Variants in ADAMTS20 observed in about 807,000 individuals in gnomAD.
The protein encoded by ADAMTS20 is ADAM metallopeptidase with thrombospondin type 1 motif 20, also known as A disintegrin and metalloproteinase with thrombospondin motifs 20.
In ADAMTS20, 225 loss-of-function variants were observed where a neutral mutation model predicts 260.1. The observed-to-expected ratio is 0.87, with a 90% CI of 0.78 to 0.97. The LOEUF is 0.97. Among genes scored for constraint, ADAMTS20 ranks in the 50% least tolerant of loss-of-function variants. The probability of loss-of-function intolerance (pLI) is 0.00; values close to 1 mark genes in which losing one functional copy is unlikely to be tolerated. For missense variants in ADAMTS20, 2,400 were observed against 2,337.7 expected (o/e 1.03, Z -0.55); for synonymous variants, 802 against 769.5 (o/e 1.04, Z -0.70).
intron 3 of ADAMTS20, among the ~76,000 whole-genome samples, chr12:43,504,617 A>G (rs1942815879): frequency 6.6e-6 from 1 of 152,204 alleles, no homozygotes; most frequent in African/African-American, 2.4e-5. Context: ...GGAAAAGATA[A>G]ATATTTATGC....
At chr12:43,376,421 C>A in intron 33 of ADAMTS20, 91 bp from the exon 34 acceptor site, 1 of 1,454,224 alleles carries the variant, frequency 6.9e-7, no homozygotes. Context: ...CTCTGAATAT[C>A]TGACACTTTG....
intron 2 of ADAMTS20, 23 bp downstream of exon 2, chr12:43,550,886 C>T (rs759060664): frequency 4.0e-6 from 6 of 1,505,546 alleles, no homozygotes; most frequent in East Asian, 2.3e-5. Flanking sequence ...CAAGAAAATG[C>T]CAAGGGACCC....
intron 3 of ADAMTS20, among the ~76,000 whole-genome samples, chr12:43,527,736 G>A (rs1325135749): frequency 6.6e-6 from 1 of 152,088 alleles, no homozygotes; most frequent in Non-Finnish European, 1.5e-5. Flanking sequence ...ACATCACACT[G>A]AATGGGGAAA....
chr12:43,367,075 C>G (rs185226569), intron 37 of ADAMTS20, among the ~76,000 whole-genome samples: 1 of 151,804 alleles, frequency 6.6e-6, no homozygotes, highest in Non-Finnish European at 1.5e-5. Flanking sequence ...ACAACTTTCA[C>G]GAAGAAAAGC....
chr12:43,427,088 G>T (rs1369683854), intron 27 of ADAMTS20, among the ~76,000 whole-genome samples: 1 of 152,000 alleles, frequency 6.6e-6, no homozygotes, highest in Non-Finnish European at 1.5e-5. Context: ...TGGGAAGATC[G>T]CTTGAGCCCA....
At chr12:43,368,090 A>T (rs1565667355) in intron 37 of ADAMTS20, among the ~76,000 whole-genome samples, 1 of 152,040 alleles carries the variant, frequency 6.6e-6, no homozygotes, top group Non-Finnish European at 1.5e-5. Context: ...TCCTTAGTTG[A>T]CATGATTCAA....
At chr12:43,373,837 GC>G (rs1940161868) in intron 36 of ADAMTS20, among the ~76,000 whole-genome samples, 1 of 150,886 alleles carries the variant, frequency 6.6e-6, no homozygotes, top group Non-Finnish European at 1.5e-5. Context: ...CCGCCACTAC[GC>G]CCGGCTAATT....
chr12:43,420,648 T>G (rs1941208952), intron 28 of ADAMTS20, among the ~76,000 whole-genome samples: 1 of 151,952 alleles, frequency 6.6e-6, no homozygotes, highest in Non-Finnish European at 1.5e-5. Flanking sequence ...TTCTCTTAAA[T>G]GGGAGCTACA....
chr12:43,514,381 G>A (rs1367054811), intron 3 of ADAMTS20, among the ~76,000 whole-genome samples: 3 of 151,720 alleles, frequency 2.0e-5, no homozygotes, highest in African/African-American at 7.3e-5. Context: ...TGGCCAACAT[G>A]GGAAACCCCA....
At chr12:43,424,831 A>T (rs961610286) in intron 28 of ADAMTS20, among the ~76,000 whole-genome samples, 2 of 151,924 alleles carry the variant, frequency 1.3e-5, no homozygotes, top group Admixed American at 6.5e-5. Flanking sequence ...AAATAAATAT[A>T]TAAAAAAACT....
At chr12:43,531,042 T>C (rs1028407556) in intron 3 of ADAMTS20, among the ~76,000 whole-genome samples, 3 of 151,858 alleles carry the variant, frequency 2.0e-5, no homozygotes, top group African/African-American at 7.3e-5. Flanking sequence ...TACAGCAGCA[T>C]TGCCTCTAAC....
chr12:43,528,348 CAAAAAAAAAAAAAA>C (rs58281767), intron 3 of ADAMTS20, among the ~76,000 whole-genome samples: 2 of 29,048 alleles, frequency 6.9e-5, no homozygotes, highest in African/African-American at 1.5e-4. Context: ...CAATCCTAAG[CAAAAAAAAAAAAAA>C]AAAAAAAAAA....
In ADAMTS20 at chr12:43,469,405, A is replaced by G. The variant is rs571326432; in HGVS notation, c.1118-700T>C. 8.5e-5 allele frequency among the ~76,000 whole-genome samples: 13 copies of G among 152,294 alleles called. No individual in the cohort carries two copies. The East Asian group carries it at 2.5e-3, about 29-fold the overall frequency. ...GAAGGTATGAACTGGCTGGACACCA[A>G]AGACAGCAATAATTATCATATATGC... On this transcript the variant is annotated intron_variant, in intron 7 of 38. Coordinates refer to ENST00000389420, the MANE Select transcript of ADAMTS20 (RefSeq NM_025003.5).
intron 3 of ADAMTS20, among the ~76,000 whole-genome samples, chr12:43,511,789 C>T (rs963256867): frequency 1.3e-5 from 2 of 152,078 alleles, no homozygotes; most frequent in African/African-American, 2.4e-5. Context: ...ACACATTTTA[C>T]ACTTCTTCAC....
At chr12:43,469,744 C>T (rs372851273) in intron 7 of ADAMTS20, among the ~76,000 whole-genome samples, 1 of 152,170 alleles carries the variant, frequency 6.6e-6, no homozygotes, top group Non-Finnish European at 1.5e-5. Flanking sequence ...GCTATGTCAT[C>T]TTTTATTCTT....
Position 43,430,351 on chromosome 12 carries a change from CCTGT to C in ADAMTS20, c.3378_3381del (p.Gln1127AlafsTer23), listed in dbSNP as rs1327600773. 22 of 1,610,706 alleles carry C rather than the reference CCTGT, an allele frequency of 1.4e-5. No homozygotes were observed. Among genetic ancestry groups the C allele is most frequent in the Non-Finnish European group, 1.7e-5 (20 of 1,178,336 alleles). ...TGTTTGTAAACCATGATTCTTTTTACCTGTCTGTCACTGGGGCGACTAGCTTCAT... is the reference window on the plus strand; with the variant it reads ...TGTTTGTAAACCATGATTCTTTTTACCTGTCACTGGGGCGACTAGCTTCAT... On this transcript the variant is annotated frameshift_variant and splice_region_variant, in exon 23 of 39. Transcript: ENST00000389420. LOFTEE classifies it high-confidence loss of function.
chr12:43,402,640 A>G (rs1040268196), intron 28 of ADAMTS20, among the ~76,000 whole-genome samples: 13 of 152,170 alleles, frequency 8.5e-5, no homozygotes, highest in African/African-American at 2.9e-4. Flanking sequence ...TCTAAGTTGT[A>G]AGGATTCCAC....
At chr12:43,375,350 T>C (rs1940200200) in intron 36 of ADAMTS20, 29 bp downstream of exon 36, 3 of 1,602,428 alleles carry the variant, frequency 1.9e-6, no homozygotes, top group Non-Finnish European at 2.6e-6. Context: ...GGAGGCTTTT[T>C]GATTTTAAAA....
intron 2 of ADAMTS20, among the ~76,000 whole-genome samples, chr12:43,537,878 T>C (rs772599391): frequency 2.0e-5 from 3 of 152,246 alleles, no homozygotes; most frequent in African/African-American, 7.2e-5. Flanking sequence ...TAGTACTCCA[T>C]TGAGTATATG....
Sources: gnomAD v4.1 joint callset for allele counts (sites outside exome capture counted in the v4.1 genomes callset) on GRCh38, gnomAD v4.1.1 for gene constraint, MANE v1.5 for transcripts, NCBI Gene and HGNC (gene_info 2026-07-23, HGNC 2026-07-21) for gene names.